RNF17: variants seen among roughly 807,000 people sequenced by gnomAD.
RNF17 encodes the protein spermatogenesis associated 23.
Under a neutral mutation model 200.5 loss-of-function variants are expected in RNF17, and 31 were observed. That is an observed-to-expected ratio of 0.15 (90% CI 0.12 to 0.21). The LOEUF (loss-of-function observed/expected upper bound fraction) is 0.21. RNF17 is among the 10% of genes least tolerant of loss of function. The pLI, the probability that RNF17 is intolerant of heterozygous loss-of-function variation, is 1.00. For missense variants in RNF17, 1,628 were observed against 1,905.1 expected, an observed-to-expected ratio of 0.85 and a Z score of 2.71; for synonymous variants, 606 against 637.8, an observed-to-expected ratio of 0.95 and a Z score of 0.75.
intron 6 of RNF17, among the ~76,000 whole-genome samples, chr13:24,783,572 A>T (rs981319243): frequency 2.0e-5 from 3 of 152,180 alleles, no homozygotes; most frequent in Non-Finnish European, 2.9e-5. Context: ...AATTTCATAT[A>T]CAAGTCTTTC....
intron 2 of RNF17, among the ~76,000 whole-genome samples, chr13:24,771,491 A>G (rs989354228): frequency 9.9e-5 from 15 of 151,622 alleles, no homozygotes; most frequent in Admixed American, 2.6e-4. Context: ...AAGTTGTAAG[A>G]GTACTTTATG....
intron 32 of RNF17, 132 bp from the exon 33 acceptor site, chr13:24,873,982 G>A (rs8001764): frequency 0.81 from 650,201 of 802,376 alleles, 265,467 homozygotes; most frequent in East Asian, 0.9. Context: ...GGTTGATTCC[G>A]TATCTTGGCT....
At chr13:24,860,165 G>A (rs996289404) in intron 26 of RNF17, among the ~76,000 whole-genome samples, 34 of 151,378 alleles carry the variant, frequency 2.2e-4, no homozygotes, top group African/African-American at 7.3e-4. Context: ...ACATACATTC[G>A]AGTTGCTCAG....
At chr13:24,797,705 AGTGTGTGTGTGTGT>A (rs777888152) in intron 11 of RNF17, among the ~76,000 whole-genome samples, 3 of 119,096 alleles carry the variant, frequency 2.5e-5, no homozygotes, top group South Asian at 3.0e-4. Context: ...AGAGACAAAG[AGTGTGTGTGTGTGT>A]GTGTGTGTGT....
At chr13:24,752,779 A>C in the RNF17 span, among the ~76,000 whole-genome samples, 2 of 152,216 alleles carry the variant, frequency 1.3e-5, no homozygotes, top group East Asian at 3.9e-4. Flanking sequence ...ATACTGGTCC[A>C]GGGGTGGGGG....
chr13:24,804,464 T>TA (rs1285369299), intron 15 of RNF17, 35 bp downstream of exon 15: 1 of 1,516,490 alleles, frequency 6.6e-7, no homozygotes, highest in South Asian at 1.2e-5. Flanking sequence ...ATGAAGTTTT[T>TA]AAAAAAATTT....
chr13:24,767,318 C>A lies in RNF17; in HGVS notation c.177C>A (p.Cys59Ter). 6.2e-7 allele frequency: 1 copy of A among 1,612,600 alleles called. No homozygotes were observed. Among genetic ancestry groups the A allele is most frequent in the Non-Finnish European group, 8.5e-7 (1 of 1,178,696 alleles). Residue 59 changes from cysteine (C) to a stop codon, truncating the protein, a stop_gained, in exon 2 of 36, where the codon TGC becomes TGA. Transcript: ENST00000255324. LOFTEE classifies it high-confidence loss of function. Reference sequence around the variant, plus strand: ...GTGGACATGCTTTTTGTGAACTATGCTTGTTAATGACTGAAGAATGCACCA... The same window carrying A: ...GTGGACATGCTTTTTGTGAACTATGATTGTTAATGACTGAAGAATGCACCA... ...LQCGHAFCEL[C>*]LLMTEECTTI... is the part of the protein sequence containing the mutation.
rs112872208 is a variant in RNF17 at position 24,823,575 on chromosome 13, G to A, written c.2092-2044G>A. Among the ~76,000 whole-genome samples, 6 of 152,238 alleles carry A rather than the reference G, an allele frequency of 3.9e-5. 1 individual carries two copies. The highest frequency in any genetic ancestry group is 1.4e-4 in the African/African-American group (6 of 41,542). On this transcript the variant is annotated intron_variant, in intron 15 of 35. Coordinates refer to ENST00000255324, the MANE Select transcript of RNF17 (RefSeq NM_031277.3). ...AAAGAGGAAGGCGCCATCTTTCCTA[G>A]ACTTTGTGGACTAGCTCTTTGGTGG...
chr13:24,873,184 C>CT (rs3837553), intron 32 of RNF17, among the ~76,000 whole-genome samples: 35,156 of 152,068 alleles, frequency 0.23, 4,519 homozygotes, highest in Non-Finnish European at 0.29. Context: ...CTAGAAGAGA[C>CT]TAGGGGAGTA....
chr13:24,796,030 TCA>T, intron 10 of RNF17, 105 bp from the exon 11 acceptor site: 2 of 741,804 alleles, frequency 2.7e-6, no homozygotes, highest in Non-Finnish European at 4.1e-6. Context: ...TTCCCAGAGT[TCA>T]CAATGCCATA....
chr13:24,812,351 AT>A (rs1489994826), intron 15 of RNF17, among the ~76,000 whole-genome samples: 2 of 151,724 alleles, frequency 1.3e-5, no homozygotes, highest in Non-Finnish European at 2.9e-5. Flanking sequence ...CTGGCGCGCC[AT>A]TTTTTAAGCC....
chr13:24,764,898 TG>T, intron 1 of RNF17, among the ~76,000 whole-genome samples: 1 of 52,504 alleles, frequency 1.9e-5, no homozygotes, highest in South Asian at 8.9e-4. Context: ...GGTGTGTGTG[TG>T]TGTGTGTGTG....
chr13:24,815,731 G>A (rs1012411619), intron 15 of RNF17, among the ~76,000 whole-genome samples: 2 of 152,138 alleles, frequency 1.3e-5, no homozygotes, highest in African/African-American at 2.4e-5. Flanking sequence ...TTACCATGTT[G>A]AGTAAGTTTC....
chr13:24,874,770 T>A (rs1227151182), intron 33 of RNF17, among the ~76,000 whole-genome samples: 2 of 152,190 alleles, frequency 1.3e-5, no homozygotes, highest in Non-Finnish European at 2.9e-5. Flanking sequence ...CACAAGGTTA[T>A]ACAACTATCA....
chr13:24,834,124 G>C (rs1027266744), intron 18 of RNF17, among the ~76,000 whole-genome samples: 1 of 151,962 alleles, frequency 6.6e-6, no homozygotes, highest in Non-Finnish European at 1.5e-5. Context: ...AAGCTTTTTA[G>C]GCCAGGTGTG....
In RNF17 at chr13:24,793,040, A is replaced by C. The variant is rs1342338571; in HGVS notation, c.936-2A>C. Reference sequence around the variant, plus strand: ...AGCTTATATCTCTGTATTTTTAAACAGATGTTATCCCCAAGAAAATGAAAT... The same window carrying C: ...AGCTTATATCTCTGTATTTTTAAACCGATGTTATCCCCAAGAAAATGAAAT... On this transcript the variant is annotated splice_acceptor_variant, in intron 9 of 35. Transcript: ENST00000255324. LOFTEE classifies it high-confidence loss of function. The C allele has an allele frequency of 6.5e-7, 1 of 1,545,560 alleles. No individual in the cohort carries two copies. Among genetic ancestry groups the C allele is most frequent in the Non-Finnish European group, 8.8e-7 (1 of 1,137,928 alleles).
chr13:24,791,490 T>C (rs1024056352), intron 9 of RNF17, among the ~76,000 whole-genome samples: 2 of 152,148 alleles, frequency 1.3e-5, no homozygotes, highest in African/African-American at 4.8e-5. Context: ...TTTACCAGCT[T>C]TCTGGAGAGA....
chr13:24,804,248 G>C (rs1389651571), intron 14 of RNF17, 40 bp from the exon 15 acceptor site: 1 of 1,587,330 alleles, frequency 6.3e-7, no homozygotes, highest in African/African-American at 1.3e-5. Flanking sequence ...GGGTGACAGG[G>C]TGAGACCCTG....
downstream of RNF17, chr13:24,883,992 G>A (rs1953937119): frequency 6.2e-7 from 1 of 1,613,996 alleles, no homozygotes. Context: ...TACCATCTGG[G>A]AAAATGCTTT....
Sources: gnomAD v4.1 joint callset for allele counts (sites outside exome capture counted in the v4.1 genomes callset) on GRCh38, gnomAD v4.1.1 for gene constraint, MANE v1.5 for transcripts, NCBI Gene and HGNC (gene_info 2026-07-23, HGNC 2026-07-21) for gene names.